The following CACNA1I variants were observed in gnomAD, a reference collection of about 807,000 sequenced individuals.
The protein encoded by CACNA1I is voltage-dependent T-type calcium channel subunit alpha-1I.
Under a neutral mutation model 201.6 loss-of-function variants are expected in CACNA1I, and 74 were observed. That is an observed-to-expected ratio of 0.37 (90% CI 0.30 to 0.45). The LOEUF (loss-of-function observed/expected upper bound fraction) is 0.45, where lower values mean the gene tolerates loss of function less well. CACNA1I is among the 20% of genes least tolerant of loss of function. The pLI, the probability that CACNA1I is intolerant of heterozygous loss-of-function variation, is 1.00. For synonymous variants in CACNA1I, 1,431 were observed against 1,345.2 expected, an observed-to-expected ratio of 1.06 and a Z score of -1.40; for missense variants, 2,346 against 3,138.1, an observed-to-expected ratio of 0.75 and a Z score of 6.03.
At position 39,659,629 on chromosome 22, in the gene CACNA1I, C is replaced by T; in HGVS notation, c.2449-68C>T. 6.2e-7 allele frequency: 1 copy of T among 1,604,660 alleles called. No homozygotes were observed. The stretch of plus-strand genomic sequence containing the variant: ...CTGGGAGGGGCGGGGCTGACAACTC[C>T]CATGCCTCCTTGTAGAGCCTAGCCC... On this transcript the variant is annotated intron_variant, in intron 13 of 36. Transcript: ENST00000402142. The surrounding 1 kb of genome is among the most constrained non-coding windows in gnomAD (Gnocchi z 4.3).
rs1302285715 is a variant in CACNA1I at position 39,689,640 on chromosome 22, C to A, written c.*3235C>A. The A allele has an allele frequency of 6.5e-6, 1 of 152,732 alleles. No individual in the cohort carries two copies. The highest frequency in any genetic ancestry group is 2.4e-5 in the African/African-American group (1 of 41,472). The allele number at this position is 152,732 out of a possible 1,614,324, so 9.5% of individuals were successfully genotyped here. On this transcript the variant is annotated 3_prime_UTR_variant, in exon 37 of 37. Coordinates refer to ENST00000402142, the MANE Select transcript of CACNA1I (RefSeq NM_021096.4). ...ACTTCCCTCCTAGTTGCTGATGGCGCTGGTACCTGCTGGCCCATGGCCCGG... is the reference window on the plus strand; with the variant it reads ...ACTTCCCTCCTAGTTGCTGATGGCGATGGTACCTGCTGGCCCATGGCCCGG...
intron 23 of CACNA1I, among the ~76,000 whole-genome samples, chr22:39,667,081 C>T (rs1171890469): frequency 6.6e-6 from 1 of 152,254 alleles, no homozygotes; most frequent in Non-Finnish European, 1.5e-5. Flanking sequence ...ACCTGGCCTG[C>T]AGCCTCTGAC....
intron 35 of CACNA1I, among the ~76,000 whole-genome samples, chr22:39,683,307 G>T (rs1379026724): frequency 1.3e-5 from 2 of 152,168 alleles, no homozygotes; most frequent in African/African-American, 4.8e-5. Context: ...GAGATGAGGA[G>T]CCCAGCAGAA....
At chr22:39,679,513 G>C in intron 32 of CACNA1I, 68 bp downstream of exon 32, 1 of 1,188,554 alleles carries the variant, frequency 8.4e-7, no homozygotes. Flanking sequence ...ATGGGCAGCA[G>C]GGCCAGGGAG....
chr22:39,626,768 T>C (rs1410731850), intron 4 of CACNA1I, among the ~76,000 whole-genome samples: 1 of 152,164 alleles, frequency 6.6e-6, no homozygotes, highest in African/African-American at 2.4e-5. Context: ...AGCTAATTTT[T>C]GTATTTTTAG....
chr22:39,619,291 C>T lies in CACNA1I; in HGVS notation c.483-19C>T, dbSNP rs1167347480. ...CTGGCCTCCAGCACCATCCCTCACT[C>T]TCTCTCCTTTCTCTGCAGGATGGTC... is the stretch of plus-strand genomic sequence containing the variant. On this transcript the variant is annotated intron_variant, in intron 3 of 36. Coordinates refer to ENST00000402142, the MANE Select transcript of CACNA1I (RefSeq NM_021096.4). 2.5e-6 allele frequency: 4 copies of T among 1,593,950 alleles called. No individual in the cohort carries two copies. The South Asian group carries it at 3.3e-5, about 13-fold the overall frequency.
In CACNA1I at chr22:39,680,827, C is replaced by T. The variant is rs1178844668; in HGVS notation, c.5542-103C>T. The T allele has an allele frequency of 3.1e-6, 4 of 1,311,452 alleles. No homozygotes were observed. In the Admixed American group the frequency reaches 7.3e-5, roughly 24 times the overall value. The allele number at this position is 1,311,452 out of a possible 1,614,324, so 81.2% of individuals were successfully genotyped here. ...GGTGTCTGGACCTTTCTGACCACTG[C>T]TCGGCCTCTCTTCAGAGCCTCAGGC... On this transcript the variant is annotated intron_variant, in intron 33 of 36. Coordinates refer to ENST00000402142, the MANE Select transcript of CACNA1I (RefSeq NM_021096.4).
chr22:39,576,440 G>A (rs1196467799), intron 1 of CACNA1I, among the ~76,000 whole-genome samples: 7 of 152,238 alleles, frequency 4.6e-5, no homozygotes, highest in Non-Finnish European at 8.8e-5. Flanking sequence ...TCAAAACCCC[G>A]ATTTCTGTGC....
Position 39,649,568 on chromosome 22 carries a change from G to A in CACNA1I, c.1635G>A (p.Thr545=), listed in dbSNP as rs752806605. 3.9e-4 allele frequency: 601 copies of A among 1,549,222 alleles called. 1 individual carries two copies. The highest frequency in any genetic ancestry group is 3.5e-4 in the Non-Finnish European group (396 of 1,146,660). Reference sequence around the variant, plus strand: ...CCCTGGTGCAGCCCATCCCCGCCACGCTGGCTTCCGATCCCGCCAGCTGCC... The same window carrying A: ...CCCTGGTGCAGCCCATCCCCGCCACACTGGCTTCCGATCCCGCCAGCTGCC... The part of the protein sequence containing the change: ...PHTLVQPIPA[T]LASDPASCPC... The change falls in exon 10 of 37, where the codon ACG becomes ACA. Residue 545 remains threonine, a synonymous_variant. Coordinates refer to ENST00000402142, the MANE Select transcript of CACNA1I (RefSeq NM_021096.4). This position sits in a 1 kb window ranked among gnomAD's most constrained non-coding sequence, Gnocchi z 7.3.
At chr22:39,616,936 G>C (rs753285759) in intron 3 of CACNA1I, among the ~76,000 whole-genome samples, 66 of 152,250 alleles carry the variant, frequency 4.3e-4, no homozygotes, top group Non-Finnish European at 8.4e-4. Context: ...GGGGAAGGTG[G>C]AGCCTGGTGG....
chr22:39,602,599 C>G (rs1174774078), intron 3 of CACNA1I, among the ~76,000 whole-genome samples: 1 of 151,988 alleles, frequency 6.6e-6, no homozygotes, highest in Non-Finnish European at 1.5e-5. Flanking sequence ...ATTTTTCAAT[C>G]TTGCCTGTCC....
Position 39,686,362 on chromosome 22 carries a change from G to A in CACNA1I, c.6629G>A (p.Gly2210Glu). 3.8e-6 allele frequency: 5 copies of A among 1,312,744 alleles called. No individual in the cohort carries two copies. The highest frequency in any genetic ancestry group is 4.9e-6 in the Non-Finnish European group (5 of 1,028,662). 81.3% of individuals were successfully genotyped at this position (1,312,744 alleles called of 1,614,324 possible). The change falls in exon 37 of 37, where the codon GGA becomes GAA. Residue 2210 changes from glycine (G) to glutamate (E), a missense_variant. Physicochemically the swap from Gly to Glu is moderately conservative, Grantham distance 98. Around this residue, in one of 13 missense-constraint regions of CACNA1I, gnomAD observed 187 missense variants for 151.0 expected, o/e 1.24. Coordinates refer to ENST00000402142, the MANE Select transcript of CACNA1I (RefSeq NM_021096.4). ...GCGCCCCCGCCGCAACCGCTCCCCG[G>A]AGAGCTGGAGCCGGGAGACGCCGCC... ...PLAPPPQPLPGELEPGDAASK... is the reference protein window; with the variant it reads ...PLAPPPQPLPEELEPGDAASK...
At chr22:39,594,790 T>C (rs906230433) in intron 1 of CACNA1I, among the ~76,000 whole-genome samples, 2 of 151,994 alleles carry the variant, frequency 1.3e-5, no homozygotes, top group Non-Finnish European at 2.9e-5. Context: ...TCCCCGGATG[T>C]TGGAGTGGGC....
At chr22:39,658,844 T>A in intron 11 of CACNA1I, 87 bp from the exon 12 acceptor site, 2 of 1,147,040 alleles carry the variant, frequency 1.7e-6, no homozygotes, top group East Asian at 5.2e-5. Flanking sequence ...GTCTCTCTGT[T>A]TTCCCTTCTC....
intron 1 of CACNA1I, among the ~76,000 whole-genome samples, chr22:39,578,063 C>T (rs1932419087): frequency 6.6e-6 from 1 of 151,996 alleles, no homozygotes; most frequent in South Asian, 2.1e-4. Context: ...CCTGAGCCTG[C>T]AATGGGCGGA....
chr22:39,662,341 A>C lies in CACNA1I; in HGVS notation c.3278A>C (p.Asp1093Ala). 6.7e-7 allele frequency: 1 copy of C among 1,486,376 alleles called. No homozygotes were observed. The highest frequency in any genetic ancestry group is 8.9e-7 in the Non-Finnish European group (1 of 1,126,364). The allele number at this position is 1,486,376 out of a possible 1,614,324, so 92.1% of individuals were successfully genotyped here. ...GCAGGCCCGGCCCCCGGGCATGAGGACTGCAATGGCAGGATGCCCAGCATC... is the reference window on the plus strand; with the variant it reads ...GCAGGCCCGGCCCCCGGGCATGAGGCCTGCAATGGCAGGATGCCCAGCATC... ...RAAGPAPGHE[D>A]CNGRMPSIAK... The change falls in exon 17 of 37, where the codon GAC (aspartate) becomes GCC (alanine). Residue 1093 changes from aspartate to alanine, a missense_variant. Coordinates refer to ENST00000402142, the MANE Select transcript of CACNA1I (RefSeq NM_021096.4).
Position 39,641,007 on chromosome 22 carries a change from G to A in CACNA1I, c.881G>A (p.Cys294Tyr). 3 of 1,614,054 alleles carry A rather than the reference G, an allele frequency of 1.9e-6. No individual in the cohort carries two copies. Among genetic ancestry groups the A allele is most frequent in the Non-Finnish European group, 2.5e-6 (3 of 1,179,910 alleles). ...CTCAAGGAGCAGGGCCGTGAGTGCT[G>A]CCTGTCCAAGGACGACGTCTACGAC... ...PPLKEQGREC[C>Y]LSKDDVYDFG... The change falls in exon 6 of 37, where the codon TGC becomes TAC. Residue 294 changes from cysteine (C) to tyrosine (Y), a missense_variant. Coordinates refer to ENST00000402142, the MANE Select transcript of CACNA1I (RefSeq NM_021096.4).
At chr22:39,653,035 T>G (rs547667160) in intron 10 of CACNA1I, among the ~76,000 whole-genome samples, 10 of 149,462 alleles carry the variant, frequency 6.7e-5, no homozygotes, top group South Asian at 2.2e-4. Flanking sequence ...GGTACACGGA[T>G]CCCCCCACAC....
Position 39,649,011 on chromosome 22 carries a change from C to A in CACNA1I, c.1568-490C>A, listed in dbSNP as rs143409218. Reference sequence around the variant, plus strand: ...CCTCCCCTCCCTGGGAAGCAAACCTCACCCCTTCCCCGCTCCCCACCTGCT... The same window carrying A: ...CCTCCCCTCCCTGGGAAGCAAACCTAACCCCTTCCCCGCTCCCCACCTGCT... On this transcript the variant is annotated intron_variant, in intron 9 of 36. Transcript: ENST00000402142. This position sits in a 1 kb window ranked among gnomAD's most constrained non-coding sequence, Gnocchi z 7.3. Among the ~76,000 whole-genome samples, 1,653 of 152,328 alleles carry A rather than the reference C, an allele frequency of 0.011. 13 individuals carry two copies. Among genetic ancestry groups the A allele is most frequent in the Non-Finnish European group, 0.015 (1,006 of 68,018 alleles).
Sources: gnomAD v4.1 joint callset for allele counts (sites outside exome capture counted in the v4.1 genomes callset) on GRCh38, gnomAD v4.1.1 for gene constraint, gnomAD v4.1.1 regional missense constraint, Gnocchi (gnomAD v3.1) non-coding constraint, MANE v1.5 for transcripts, NCBI Gene and HGNC (gene_info 2026-07-23, HGNC 2026-07-21) for gene names.